Variants in MGAT4C observed in about 807,000 individuals in gnomAD.
MGAT4C encodes alpha-1,3-mannosyl-glycoprotein 4-beta-N-acetylglucosaminyltransferase C.
A neutral mutation model predicts 40.1 loss-of-function variants in MGAT4C; 19 were observed. That is an observed-to-expected ratio of 0.47 (90% CI 0.33 to 0.70). MGAT4C has a LOEUF of 0.70. Ranked by LOEUF, MGAT4C falls within the 30% of genes least tolerant of loss-of-function variation. The pLI is 0.02. For missense variants in MGAT4C, 491 were observed against 563.2 expected, an observed-to-expected ratio of 0.87 and a Z score of 1.30; for synonymous variants, 181 against 187.1, an observed-to-expected ratio of 0.97 and a Z score of 0.27.
At chr12:86,282,309 T>A (rs1188571583) in intron 4 of MGAT4C, among the ~76,000 whole-genome samples, 1 of 152,124 alleles carries the variant, frequency 6.6e-6, no homozygotes, top group East Asian at 1.9e-4. Context: ...CATTTTTCTA[T>A]CTTCAATCTG....
At chr12:86,144,449 G>C (rs1883253422) in intron 1 of MGAT4C, among the ~76,000 whole-genome samples, 1 of 152,082 alleles carries the variant, frequency 6.6e-6, no homozygotes, top group Non-Finnish European at 1.5e-5. Flanking sequence ...TTAAAATAGA[G>C]ACACATTATT....
intron 1 of MGAT4C, among the ~76,000 whole-genome samples, chr12:86,206,447 A>C (rs527761144): frequency 6.6e-6 from 1 of 152,322 alleles, no homozygotes; most frequent in South Asian, 2.1e-4. Flanking sequence ...TGGGCTGAGA[A>C]GGTGGTATTA....
chr12:86,447,023 C>T (rs995102923), intron 2 of MGAT4C, among the ~76,000 whole-genome samples: 1 of 151,930 alleles, frequency 6.6e-6, no homozygotes, highest in Non-Finnish European at 1.5e-5. Flanking sequence ...AAAAGATGAA[C>T]AATACGAAGG....
At chr12:86,046,711 T>C (rs1290657754) in intron 2 of MGAT4C, among the ~76,000 whole-genome samples, 1 of 152,168 alleles carries the variant, frequency 6.6e-6, no homozygotes, top group Non-Finnish European at 1.5e-5. Flanking sequence ...AGATCAAACT[T>C]ATTTCCACAA....
intron 1 of MGAT4C, among the ~76,000 whole-genome samples, chr12:86,208,532 C>T (rs140790476): frequency 2.0e-5 from 3 of 152,242 alleles, no homozygotes; most frequent in Non-Finnish European, 2.9e-5. Flanking sequence ...TTTTAAAAAG[C>T]TTCTTGCCAG....
At chr12:86,711,172 C>A (rs1950549883) in intron 2 of MGAT4C, among the ~76,000 whole-genome samples, 2 of 151,788 alleles carry the variant, frequency 1.3e-5, no homozygotes, top group Non-Finnish European at 1.5e-5. Context: ...GTGTACCCCC[C>A]AAAAATTTGA....
At chr12:86,734,590 T>TA (rs1950957265) in intron 1 of MGAT4C, among the ~76,000 whole-genome samples, 1 of 151,946 alleles carries the variant, frequency 6.6e-6, no homozygotes, top group African/African-American at 2.4e-5. Flanking sequence ...ATAACCCCCA[T>TA]AGAAAGAGAC....
Position 85,979,533 on chromosome 12 carries a change from G to A in MGAT4C, c.1193C>T (p.Thr398Ile). 1 of 1,611,766 alleles carries A rather than the reference G, an allele frequency of 6.2e-7. No homozygotes were observed. Among genetic ancestry groups the A allele is most frequent in the Non-Finnish European group, 8.5e-7 (1 of 1,178,734 alleles). The change falls in exon 5 of 5, where the codon ACA becomes ATA. Residue 398 changes from threonine (T) to isoleucine (I), a missense_variant. Transcript: ENST00000611864. Reference sequence around the variant, plus strand: ...CAAAATATCATTTTGCCGATCTTCTGTTCCAGTATTTACTTTAATTTTTTT... The same window carrying A: ...CAAAATATCATTTTGCCGATCTTCTATTCCAGTATTTACTTTAATTTTTTT... ...IIKKIKVNTGTEDRQNDILHH... is the reference protein window; with the variant it reads ...IIKKIKVNTGIEDRQNDILHH...
intron 1 of MGAT4C, among the ~76,000 whole-genome samples, chr12:86,130,060 CTA>C (rs1455860284): frequency 1.3e-5 from 2 of 152,134 alleles, no homozygotes; most frequent in Non-Finnish European, 2.9e-5. Context: ...AAACAAGTAT[CTA>C]TGATTGCCTA....
At chr12:86,248,671 T>C (rs1000217294) in intron 1 of MGAT4C, among the ~76,000 whole-genome samples, 20 of 152,132 alleles carry the variant, frequency 1.3e-4, no homozygotes, top group Non-Finnish European at 2.4e-4. Flanking sequence ...ATGACACACA[T>C]TTTCTTGATA....
chr12:86,307,336 A>G (rs1953958977), intron 4 of MGAT4C, among the ~76,000 whole-genome samples: 2 of 150,406 alleles, frequency 1.3e-5, no homozygotes, highest in African/African-American at 5.0e-5. Context: ...TTATTTCTAC[A>G]TTGCTACATT....
chr12:86,340,790 T>C lies in MGAT4C; in HGVS notation c.-119-6663A>G, dbSNP rs374526985. Among the ~76,000 whole-genome samples, 101 of 152,208 alleles carry C rather than the reference T, an allele frequency of 6.6e-4. No homozygotes were observed. In the South Asian group the frequency reaches 0.018, roughly 28 times the overall value. On this transcript the variant is annotated intron_variant, in intron 3 of 7. Transcript: ENST00000548651. The stretch of plus-strand genomic sequence containing the variant: ...AAATAGAAGAATCCTGGGTTCCTCA[T>C]AGAGTGAACATGATAGTGTGTGTAC...
At chr12:86,104,760 C>A (rs566026062) in intron 1 of MGAT4C, among the ~76,000 whole-genome samples, 64 of 152,202 alleles carry the variant, frequency 4.2e-4, no homozygotes, top group South Asian at 1.7e-3. Context: ...TGAAAATAAC[C>A]TTTCCATTAA....
rs369415271 is a variant in MGAT4C, at chr12:86,352,446, C to A, written c.-119-18319G>T. On this transcript the variant is annotated intron_variant, in intron 3 of 7. Coordinates refer to the MGAT4C transcript ENST00000548651. ...AGCACTTTTCCTATGTATACGAACA[C>A]CTATGTATATTATTTTCCTCCTTTT... Among the ~76,000 whole-genome samples the A allele has an allele frequency of 6.1e-4, 92 of 152,036 alleles. No individual in the cohort carries two copies. The South Asian group carries it at 0.018, about 30-fold the overall frequency.
chr12:86,478,394 T>C (rs945902808), intron 2 of MGAT4C, among the ~76,000 whole-genome samples: 2 of 152,148 alleles, frequency 1.3e-5, no homozygotes, highest in African/African-American at 4.8e-5. Context: ...CAGTAATGTA[T>C]TCAGGATCTG....
At chr12:86,348,594 G>A (rs370966352) in intron 3 of MGAT4C, among the ~76,000 whole-genome samples, 90 of 152,226 alleles carry the variant, frequency 5.9e-4, no homozygotes, top group African/African-American at 2.1e-3. Context: ...TTGAATGATA[G>A]CTTGTCTGGG....
At chr12:86,147,432 G>A (rs1166327574) in intron 1 of MGAT4C, among the ~76,000 whole-genome samples, 1 of 152,082 alleles carries the variant, frequency 6.6e-6, no homozygotes, top group Non-Finnish European at 1.5e-5. Flanking sequence ...TAGTAGAGAC[G>A]GGGTTTCACC....
At chr12:86,795,892 G>T (rs1952107035) in intron 1 of MGAT4C, among the ~76,000 whole-genome samples, 1 of 151,954 alleles carries the variant, frequency 6.6e-6, no homozygotes, top group African/African-American at 2.4e-5. Flanking sequence ...TGCCTGTAAA[G>T]TGTGTCAGAA....
chr12:86,490,634 G>A (rs1393738230), intron 2 of MGAT4C, among the ~76,000 whole-genome samples: 1 of 152,066 alleles, frequency 6.6e-6, no homozygotes, highest in Non-Finnish European at 1.5e-5. Context: ...CTGGCAAATT[G>A]GATAAAGAGT....
Sources: allele counts gnomAD v4.1 joint callset (sites outside exome capture counted in the v4.1 genomes callset), GRCh38; gene constraint gnomAD v4.1.1; transcripts MANE v1.5; gene names NCBI Gene and HGNC (gene_info 2026-07-23, HGNC 2026-07-21).